USP4: variants seen among roughly 807,000 people sequenced by gnomAD.
USP4 encodes ubiquitin specific peptidase 4, also known as ubiquitin carboxyl-terminal hydrolase 4.
Under a neutral mutation model 118.2 loss-of-function variants are expected in USP4, and 72 were observed. That is an observed-to-expected ratio of 0.61 (90% CI 0.50 to 0.74). USP4 has a LOEUF of 0.74. Ranked by LOEUF, USP4 falls within the 30% of genes least tolerant of loss-of-function variation. The pLI, the probability that USP4 is intolerant of heterozygous loss-of-function variation, is 0.00. For missense variants in USP4, 1,037 were observed against 1,185.7 expected, an observed-to-expected ratio of 0.87 and a Z score of 1.84; for synonymous variants, 415 against 440.4, an observed-to-expected ratio of 0.94 and a Z score of 0.72.
chr3:49,287,867 C>A (rs772978171), intron 15 of USP4, among the ~76,000 whole-genome samples: 21 of 152,158 alleles, frequency 1.4e-4, no homozygotes, highest in Non-Finnish European at 3.1e-4. Flanking sequence ...CTAAAGGTCT[C>A]TTAGGTGCAG....
intron 14 of USP4, among the ~76,000 whole-genome samples, chr3:49,293,229 T>C (rs748044130): frequency 5.3e-5 from 8 of 151,496 alleles, no homozygotes; most frequent in African/African-American, 1.9e-4. Context: ...ATACAAAAGT[T>C]TGGCCAGGCA....
chr3:49,309,073 C>T (rs2047352659), intron 8 of USP4, among the ~76,000 whole-genome samples: 1 of 150,080 alleles, frequency 6.7e-6, no homozygotes, highest in African/African-American at 2.4e-5. Flanking sequence ...CATGTACTGA[C>T]TCCATAGGTA....
At chr3:49,281,591 G>C (rs542459988) in intron 19 of USP4, among the ~76,000 whole-genome samples, 2 of 150,696 alleles carry the variant, frequency 1.3e-5, no homozygotes, top group Admixed American at 1.3e-4. Flanking sequence ...GCACACACCT[G>C]TAATCCTAGC....
chr3:49,332,624 G>A (rs182945962), intron 2 of USP4, among the ~76,000 whole-genome samples: 7 of 152,026 alleles, frequency 4.6e-5, no homozygotes, highest in Admixed American at 2.0e-4. Flanking sequence ...CGAGGCAGGC[G>A]GATCACTTAA....
At chr3:49,286,852 A>ATCTATCTATCTG (rs2047096155) in intron 15 of USP4, among the ~76,000 whole-genome samples, 2 of 150,388 alleles carry the variant, frequency 1.3e-5, no homozygotes, top group Non-Finnish European at 3.0e-5. Flanking sequence ...CTATCTATCT[A>ATCTATCTATCTG]TCTATCTATC....
chr3:49,291,194 G>A (rs546938976), intron 15 of USP4, among the ~76,000 whole-genome samples: 1 of 149,874 alleles, frequency 6.7e-6, no homozygotes, highest in African/African-American at 2.4e-5. Context: ...TCGATCTCCT[G>A]ACCTCGTGAT....
At chr3:49,295,288 CAAAAAAAAAAAAA>C (rs34296887) in intron 13 of USP4, among the ~76,000 whole-genome samples, 14 of 11,946 alleles carry the variant, frequency 1.2e-3, no homozygotes, top group East Asian at 2.9e-3. Context: ...GACTCCATCT[CAAAAAAAAAAAAA>C]AAAAAAAAAA....
At chr3:49,318,784 C>T (rs929203155) in intron 6 of USP4, 2 of 187,380 alleles carry the variant, frequency 1.1e-5, no homozygotes, top group African/African-American at 2.4e-5. Context: ...GTGGCACGAA[C>T]CCGTAATCCC....
At chr3:49,336,546 C>T (rs1391890516) in intron 1 of USP4, among the ~76,000 whole-genome samples, 1 of 149,700 alleles carries the variant, frequency 6.7e-6, no homozygotes, top group Non-Finnish European at 1.5e-5. Flanking sequence ...TTTTTTGAGA[C>T]AGAGTTTCGC....
At chr3:49,335,380 A>G (rs1559482600) in intron 2 of USP4, 89 bp downstream of exon 2, 9 of 1,568,064 alleles carry the variant, frequency 5.7e-6, no homozygotes, top group South Asian at 4.5e-5. Context: ...TCACACTAGG[A>G]AAGTTCACAA....
intron 19 of USP4, 36 bp downstream of exon 19, chr3:49,283,951 T>C (rs765219355): frequency 6.2e-7 from 1 of 1,605,206 alleles, no homozygotes; most frequent in East Asian, 2.2e-5. Flanking sequence ...CTGCCTGTTT[T>C]TAAATGTTCC....
intron 6 of USP4, chr3:49,312,381 C>T (rs559805362): frequency 2.9e-5 from 12 of 418,650 alleles, no homozygotes; most frequent in Admixed American, 1.1e-4. Context: ...CCCAGCCACT[C>T]GGGAGGCTGG....
At chr3:49,318,663 C>G in intron 6 of USP4, 1 of 971,206 alleles carries the variant, frequency 1.0e-6, no homozygotes, top group Non-Finnish European at 1.2e-6. Flanking sequence ...AATCCCAGCA[C>G]TCTGGGACGC....
At chr3:49,279,762 T>C (rs1489992216) in intron 20 of USP4, among the ~76,000 whole-genome samples, 1 of 152,144 alleles carries the variant, frequency 6.6e-6, no homozygotes, top group East Asian at 1.9e-4. Flanking sequence ...GTGAGGATCA[T>C]GGGAAAGGGC....
rs747632858 is a variant in USP4, at chr3:49,298,599, C to G, written c.1549G>C (p.Asp517His). Reference sequence around the variant, plus strand: ...AGCCTGGAGAGAGCCTCGCACAGGTCGGACACAGCCCCCATCAGCGGCACA... The same window carrying G: ...AGCCTGGAGAGAGCCTCGCACAGGTGGGACACAGCCCCCATCAGCGGCACA... ...VTVPLMGAVS[D>H]LCEALSRLSG... is the part of the protein sequence containing the mutation. Residue 517 changes from aspartate (D) to histidine (H), a missense_variant, in exon 12 of 22, where the codon GAC becomes CAC. Asp to His is a moderately conservative substitution (Grantham distance 81, BLOSUM62 -1). Around this residue, in one of 3 missense-constraint regions of USP4, gnomAD observed 522 missense variants for 592.6 expected, o/e 0.88. Transcript: ENST00000265560. The G allele has an allele frequency of 6.2e-7, 1 of 1,614,168 alleles. No homozygotes were observed. Among genetic ancestry groups the G allele is most frequent in the South Asian group, 1.1e-5 (1 of 91,066 alleles).
At chr3:49,307,806 C>CA (rs577138231) in intron 8 of USP4, among the ~76,000 whole-genome samples, 2 of 150,024 alleles carry the variant, frequency 1.3e-5, no homozygotes, top group African/African-American at 5.0e-5. Context: ...CAAAACAAAA[C>CA]AAACAAACAA....
intron 2 of USP4, among the ~76,000 whole-genome samples, chr3:49,334,209 G>C (rs1019711191): frequency 6.6e-6 from 1 of 152,166 alleles, no homozygotes; most frequent in Non-Finnish European, 1.5e-5. Flanking sequence ...TAAAAATGCA[G>C]TATCTGCAAC....
rs1450086519 is a variant in USP4, at chr3:49,284,198, T to G, written c.2391-62A>C. On this transcript the variant is annotated intron_variant, in intron 18 of 21. Transcript: ENST00000265560. ...GCAGCCAGTGCCACCTGGGCACTCA[T>G]GCATGGAGGCACAGCTGCAGTCCCC... is the stretch of plus-strand genomic sequence containing the variant. The G allele has an allele frequency of 1.9e-6, 3 of 1,599,756 alleles. No individual in the cohort carries two copies. The South Asian group carries it at 3.3e-5, about 18-fold the overall frequency.
chr3:49,284,736 T>C, intron 17 of USP4, 113 bp downstream of exon 17: 1 of 1,249,436 alleles, frequency 8.0e-7, no homozygotes, highest in Non-Finnish European at 1.2e-6. Context: ...CTTTTCCTTC[T>C]CAGTCTTAAA....
Sources: allele counts gnomAD v4.1 joint callset (sites outside exome capture counted in the v4.1 genomes callset), GRCh38; gene constraint gnomAD v4.1.1; regional missense constraint gnomAD v4.1.1; transcripts MANE v1.5; gene names NCBI Gene and HGNC (gene_info 2026-07-23, HGNC 2026-07-21).